DOCK1: variants seen among roughly 807,000 people sequenced by gnomAD.
The protein encoded by DOCK1 is dedicator of cytokinesis 1.
In DOCK1, 138 loss-of-function variants were observed where a neutral mutation model predicts 262.7. The observed-to-expected ratio is 0.53, with a 90% CI of 0.46 to 0.61. DOCK1 has a LOEUF of 0.61. Among genes scored for constraint, DOCK1 ranks in the 20% least tolerant of loss-of-function variants. The pLI is 0.00. For synonymous variants in DOCK1, 866 were observed against 867.4 expected, an observed-to-expected ratio of 1.00 and a Z score of 0.03; for missense variants, 1,908 against 2,370.7, an observed-to-expected ratio of 0.80 and a Z score of 4.05.
chr10:127,175,983 C>G lies in DOCK1; in HGVS notation c.2847+48219C>G, dbSNP rs940714348. The G allele has an allele frequency of 2.5e-6, 4 of 1,614,098 alleles. No homozygotes were observed. The African/African-American group carries it at 4.0e-5, about 16-fold the overall frequency. On this transcript the variant is annotated intron_variant, in intron 27 of 51. Coordinates refer to ENST00000623213, the MANE Select transcript of DOCK1 (RefSeq NM_001290223.2). The surrounding 1 kb of genome is among the most constrained non-coding windows in gnomAD (Gnocchi z 6.3). Reference sequence around the variant, plus strand: ...ATCTGTTAGAAACCCATTGTTTTGGCTTTTAAAGGGATCTGCAGCTGGGAG... The same window carrying G: ...ATCTGTTAGAAACCCATTGTTTTGGGTTTTAAAGGGATCTGCAGCTGGGAG...
chr10:127,260,470 A>T lies in DOCK1; in HGVS notation c.3044+3041A>T, dbSNP rs1192998008. On this transcript the variant is annotated intron_variant, in intron 29 of 51. Coordinates refer to ENST00000623213, the MANE Select transcript of DOCK1 (RefSeq NM_001290223.2). ...ACAGTTTATTTTCTGTTTTACATAAAATGTTATCCTGAACCTTCTAATCAA... is the reference window on the plus strand; with the variant it reads ...ACAGTTTATTTTCTGTTTTACATAATATGTTATCCTGAACCTTCTAATCAA... 2.6e-5 allele frequency among the ~76,000 whole-genome samples: 4 copies of T among 152,322 alleles called. No individual in the cohort carries two copies. The South Asian group carries it at 8.3e-4, about 32-fold the overall frequency.
chr10:127,277,843 A>G lies in DOCK1; in HGVS notation c.3044+20414A>G, dbSNP rs114070233. On this transcript the variant is annotated intron_variant, in intron 29 of 51. Transcript: ENST00000623213. The stretch of plus-strand genomic sequence containing the variant: ...GAGTCTTTTAAGTTGTCTCTCACCC[A>G]TCTGACTTGACAGCAGTTTTTCAAG... 8.9e-3 allele frequency among the ~76,000 whole-genome samples: 1,354 copies of G among 152,338 alleles called. 26 individuals carry two copies. Among genetic ancestry groups the G allele is most frequent in the African/African-American group, 0.031 (1,270 of 41,580 alleles).
intron 1 of DOCK1, among the ~76,000 whole-genome samples, chr10:126,932,889 G>C (rs1426625606): frequency 6.6e-6 from 1 of 152,156 alleles, no homozygotes; most frequent in Non-Finnish European, 1.5e-5. Flanking sequence ...ACTGGGCCCA[G>C]TGTCACCGTC....
intron 1 of DOCK1, among the ~76,000 whole-genome samples, chr10:126,941,412 A>G (rs1725288430): frequency 6.6e-6 from 1 of 152,234 alleles, no homozygotes; most frequent in African/African-American, 2.4e-5. Flanking sequence ...CTTTTAAAAC[A>G]CAAAAGTAAA....
chr10:127,046,272 C>T (rs940736527), intron 21 of DOCK1, among the ~76,000 whole-genome samples: 4 of 152,112 alleles, frequency 2.6e-5, no homozygotes, highest in Non-Finnish European at 5.9e-5. Context: ...GAGCACCACC[C>T]GCAGAGGCCT....
At chr10:127,113,800 G>A (rs1216135168) in intron 25 of DOCK1, among the ~76,000 whole-genome samples, 1 of 152,186 alleles carries the variant, frequency 6.6e-6, no homozygotes, top group African/African-American at 2.4e-5. Flanking sequence ...TGCTCACAGA[G>A]CATTCAGCCT....
chr10:127,276,173 T>TCC (rs1161051333), intron 29 of DOCK1, among the ~76,000 whole-genome samples: 1 of 152,196 alleles, frequency 6.6e-6, no homozygotes, highest in Non-Finnish European at 1.5e-5. Flanking sequence ...TCAGACTTGC[T>TCC]CCCACATGCT....
In DOCK1 at chr10:126,916,240, G is replaced by A. The variant is rs147369893; in HGVS notation, c.46+10677G>A. Among the ~76,000 whole-genome samples, 758 of 152,320 alleles carry A rather than the reference G, an allele frequency of 5.0e-3. 8 individuals are homozygous for A. The highest frequency in any genetic ancestry group is 0.018 in the African/African-American group (731 of 41,574). ...AGAGAGCAGGACCGTGTGTGTGGAA[G>A]AGCTTTGAGAAGAGAAAGTACTACT... On this transcript the variant is annotated intron_variant, in intron 1 of 51. Transcript: ENST00000623213.
intron 38 of DOCK1, among the ~76,000 whole-genome samples, chr10:127,389,198 G>A (rs1319511427): frequency 6.6e-6 from 1 of 152,198 alleles, no homozygotes; most frequent in African/African-American, 2.4e-5. Flanking sequence ...GCAGGAGGAA[G>A]GGGGCACACA....
At chr10:127,191,028 ACT>A (rs1257371166) in intron 27 of DOCK1, among the ~76,000 whole-genome samples, 12 of 151,528 alleles carry the variant, frequency 7.9e-5, no homozygotes, top group African/African-American at 2.9e-4. Flanking sequence ...CTATGCCTCC[ACT>A]CTCTGATTCC....
intron 27 of DOCK1, chr10:127,192,750 A>C (rs1374923854): frequency 6.6e-6 from 1 of 152,206 alleles, no homozygotes; most frequent in African/African-American, 2.4e-5. Context: ...ACACATTATC[A>C]CACATGGTCC....
chr10:127,082,080 C>A (rs776317623), intron 23 of DOCK1, among the ~76,000 whole-genome samples: 2 of 152,130 alleles, frequency 1.3e-5, no homozygotes, highest in Non-Finnish European at 2.9e-5. Context: ...CATGTTAGTT[C>A]CTATTTTCTA....
At chr10:127,367,221 G>T (rs570742156) in intron 33 of DOCK1, among the ~76,000 whole-genome samples, 1 of 152,178 alleles carries the variant, frequency 6.6e-6, no homozygotes, top group Non-Finnish European at 1.5e-5. Context: ...CTCTTCAGCC[G>T]CAGTGGCGGG....
At chr10:127,311,925 G>T (rs1213772562) in intron 29 of DOCK1, among the ~76,000 whole-genome samples, 1 of 151,714 alleles carries the variant, frequency 6.6e-6, no homozygotes, top group Non-Finnish European at 1.5e-5. Flanking sequence ...AGTGCAGTGG[G>T]GCGATCTCAT....
At chr10:127,178,984 G>T (rs2055455430) in intron 27 of DOCK1, among the ~76,000 whole-genome samples, 1 of 152,150 alleles carries the variant, frequency 6.6e-6, no homozygotes, top group South Asian at 2.1e-4. Context: ...AACTGCCTTT[G>T]TTGTCCAGGT....
intron 6 of DOCK1, among the ~76,000 whole-genome samples, chr10:126,992,167 G>T (rs1210100171): frequency 6.6e-6 from 1 of 152,030 alleles, no homozygotes; most frequent in Non-Finnish European, 1.5e-5. Context: ...AGCTATTGTT[G>T]CAGCAAAACC....
At chr10:127,092,409 C>T (rs1475562002) in intron 23 of DOCK1, among the ~76,000 whole-genome samples, 1 of 152,206 alleles carries the variant, frequency 6.6e-6, no homozygotes, top group East Asian at 1.9e-4. Context: ...CTCTGTGCCA[C>T]TCAGGGCAGG....
In DOCK1 at chr10:127,433,362, CTCTG is replaced by C; in HGVS notation, c.5000_5003del (p.Ser1667TrpfsTer81). The C allele has an allele frequency of 3.1e-6, 5 of 1,614,016 alleles. No individual in the cohort carries two copies. Among genetic ancestry groups the C allele is most frequent in the Non-Finnish European group, 4.2e-6 (5 of 1,179,904 alleles). On this transcript the variant is annotated frameshift_variant, in exon 48 of 52. Coordinates refer to ENST00000623213, the MANE Select transcript of DOCK1 (RefSeq NM_001290223.2). LOFTEE classifies it high-confidence loss of function. ...TTCACGATGCCTTCCTCATCCCGCC[CTCTG>C]TCTGTGGCCTCTGTCTCTTCCCTCT... is the stretch of plus-strand genomic sequence containing the variant.
intron 28 of DOCK1, among the ~76,000 whole-genome samples, chr10:127,249,733 TAC>T (rs1288579177): frequency 2.0e-5 from 3 of 152,226 alleles, no homozygotes; most frequent in African/African-American, 7.2e-5. Context: ...CACTGACATA[TAC>T]ACAGTCTGTC....
Sources: allele counts gnomAD v4.1 joint callset (sites outside exome capture counted in the v4.1 genomes callset), GRCh38; gene constraint gnomAD v4.1.1; non-coding constraint Gnocchi (gnomAD v3.1); transcripts MANE v1.5; gene names NCBI Gene and HGNC (gene_info 2026-07-23, HGNC 2026-07-21).